BTAF1: variants seen among roughly 807,000 people sequenced by gnomAD.
The protein encoded by BTAF1 is B-TFIID TATA-box binding protein associated factor 1.
Under a neutral mutation model 227.1 loss-of-function variants are expected in BTAF1, and 38 were observed. That is an observed-to-expected ratio of 0.17 (90% CI 0.13 to 0.22). BTAF1 has a LOEUF of 0.22. Ranked by LOEUF, BTAF1 falls within the 10% of genes least tolerant of loss-of-function variation. The pLI is 1.00. For missense variants in BTAF1, 1,598 were observed against 2,204.0 expected, an observed-to-expected ratio of 0.73 and a Z score of 5.51; for synonymous variants, 742 against 751.9, an observed-to-expected ratio of 0.99 and a Z score of 0.21.
At chr10:91,947,307 C>A (rs1164790414) in intron 4 of BTAF1, among the ~76,000 whole-genome samples, 3 of 152,130 alleles carry the variant, frequency 2.0e-5, no homozygotes, top group African/African-American at 7.2e-5. Context: ...AATTCAAGCT[C>A]ATTTACCTCT....
In BTAF1 at chr10:91,966,655, A is replaced by G. The variant is rs749889132; in HGVS notation, c.1548A>G (p.Thr516=). Residue 516 remains threonine (T), a synonymous_variant, in exon 14 of 38, where the codon ACA becomes ACG. Coordinates refer to ENST00000265990, the MANE Select transcript of BTAF1 (RefSeq NM_003972.3). ...VQQCSIQQSL[T]VLVPRVWPFL... is the part of the protein sequence containing the mutation. ...TTATTAGTATTCAGCAGTCACTGAC[A>G]GTTTTAGTTCCACGTGTCTGGCCTT... The G allele has an allele frequency of 1.4e-5, 22 of 1,613,676 alleles. No individual in the cohort carries two copies. The highest frequency in any genetic ancestry group is 1.9e-5 in the Non-Finnish European group (22 of 1,179,850).
chr10:91,973,262 C>G (rs1296378263), intron 14 of BTAF1, among the ~76,000 whole-genome samples: 2 of 152,184 alleles, frequency 1.3e-5, no homozygotes, highest in Non-Finnish European at 2.9e-5. Context: ...TTGGCTCTAT[C>G]ATTTGCTAAT....
chr10:91,991,832 T>TATATATAC (rs1466556430), intron 20 of BTAF1, among the ~76,000 whole-genome samples: 16 of 11,272 alleles, frequency 1.4e-3, no homozygotes, highest in African/African-American at 2.1e-3. Flanking sequence ...TATATATATA[T>TATATATAC]ACACACATAT....
At chr10:91,932,043 C>T (rs558687678) in intron 1 of BTAF1, among the ~76,000 whole-genome samples, 9 of 152,192 alleles carry the variant, frequency 5.9e-5, no homozygotes, top group African/African-American at 2.2e-4. Flanking sequence ...CAGAGGTGAC[C>T]TGACATAGCA....
chr10:91,940,820 G>A (rs924531446), intron 3 of BTAF1, among the ~76,000 whole-genome samples: 5 of 151,994 alleles, frequency 3.3e-5, no homozygotes, highest in Non-Finnish European at 5.9e-5. Flanking sequence ...AAGTAGCTGC[G>A]ATTACAGTTG....
Position 92,009,041 on chromosome 10 carries a change from G to A in BTAF1, c.3936G>A (p.Arg1312=), listed in dbSNP as rs776698048. ...ICILAGDHCH[R]AQEYARSKLA... ...TTTATTGTGTTTTGCTATTGTAAAG[G>A]GCCCAGGAATATGCAAGATCAAAAT... The change falls in exon 28 of 38, where the codon AGG becomes AGA. Residue 1312 remains arginine, a splice_region_variant and synonymous_variant. Transcript: ENST00000265990. The A allele has an allele frequency of 6.2e-7, 1 of 1,613,746 alleles. No homozygotes were observed. Among genetic ancestry groups the A allele is most frequent in the African/African-American group, 1.3e-5 (1 of 74,908 alleles).
chr10:91,983,697 A>G (rs7911552), intron 18 of BTAF1, among the ~76,000 whole-genome samples: 53,621 of 151,982 alleles, frequency 0.35, 10,878 homozygotes, highest in African/African-American at 0.57. Flanking sequence ...CACTGAGGCC[A>G]TTTCCTGTTG....
At chr10:92,017,227 G>C (rs1202026875) in intron 33 of BTAF1, among the ~76,000 whole-genome samples, 2 of 152,184 alleles carry the variant, frequency 1.3e-5, no homozygotes, top group Non-Finnish European at 2.9e-5. Flanking sequence ...GCTAGGGACT[G>C]CCTCACTGAG....
At position 91,997,769 on chromosome 10, in the gene BTAF1, G is replaced by C. The variant is rs916260439; in HGVS notation, c.3660+18G>C. The C allele has an allele frequency of 1.9e-6, 3 of 1,609,498 alleles. No individual in the cohort carries two copies. The highest frequency in any genetic ancestry group is 2.2e-5 in the East Asian group (1 of 44,846). ...CACTTGAGGTAAGTCAAAGATACTT[G>C]CTTTAAAGACATAATGTTTTCTATA... On this transcript the variant is annotated intron_variant, in intron 25 of 37. Transcript: ENST00000265990.
chr10:91,949,559 A>G (rs1449361697), intron 4 of BTAF1, among the ~76,000 whole-genome samples: 1 of 152,058 alleles, frequency 6.6e-6, no homozygotes. Flanking sequence ...CTTTGGTGGA[A>G]CTCAAAATTT....
rs777198334 is a variant in BTAF1, at chr10:91,994,539, A to C, written c.3204A>C (p.Gly1068=). 3.0e-5 allele frequency: 48 copies of C among 1,607,444 alleles called. No homozygotes were observed. Among genetic ancestry groups the C allele is most frequent in the Non-Finnish European group, 4.0e-5 (47 of 1,176,236 alleles). The change falls in exon 23 of 38, where the codon GGA becomes GGC. Residue 1068 remains glycine, a synonymous_variant. Coordinates refer to ENST00000265990, the MANE Select transcript of BTAF1 (RefSeq NM_003972.3). ...ACAGACAATATATTTTAACAGATGGAAAATCCCTCCTGGATAAGGGAGATA... is the reference window on the plus strand; with the variant it reads ...ACAGACAATATATTTTAACAGATGGCAAATCCCTCCTGGATAAGGGAGATA... ...RNTIDINNFD[G]KSLLDKGDSP...
chr10:91,957,348 G>A (rs977617906), intron 8 of BTAF1, 55 bp downstream of exon 8: 2 of 1,435,708 alleles, frequency 1.4e-6, no homozygotes, highest in African/African-American at 1.4e-5. Context: ...CTAATGAAGG[G>A]AACAATGTCA....
rs76149266 is a variant in BTAF1, at chr10:91,968,404, T to C, written c.1650+1647T>C. Among the ~76,000 whole-genome samples the C allele has an allele frequency of 2.0e-4, 30 of 152,354 alleles. No individual in the cohort carries two copies. The East Asian group carries it at 4.8e-3, about 24-fold the overall frequency. ...TAGCCCATTTCTTTTTATCACGGAA[T>C]GATACTCCATTGTCTGTACCAGTTT... On this transcript the variant is annotated intron_variant, in intron 14 of 37. Coordinates refer to ENST00000265990, the MANE Select transcript of BTAF1 (RefSeq NM_003972.3).
intron 19 of BTAF1, among the ~76,000 whole-genome samples, chr10:91,986,202 A>T (rs1848383902): frequency 6.6e-6 from 1 of 152,142 alleles, no homozygotes; most frequent in South Asian, 2.1e-4. Flanking sequence ...TTATTTATTG[A>T]AAATACTTTC....
intron 25 of BTAF1, among the ~76,000 whole-genome samples, chr10:91,999,837 G>T (rs1849392814): frequency 6.6e-6 from 1 of 152,096 alleles, no homozygotes; most frequent in Non-Finnish European, 1.5e-5. Flanking sequence ...TTTAACATAG[G>T]ATTCCTTTTT....
chr10:92,017,367 A>T (rs1589981575), intron 33 of BTAF1, among the ~76,000 whole-genome samples: 1 of 152,306 alleles, frequency 6.6e-6, no homozygotes, highest in East Asian at 1.9e-4. Context: ...TGCTTGAGAG[A>T]ATAGCAAAAA....
chr10:91,968,097 G>T (rs888524079), intron 14 of BTAF1, among the ~76,000 whole-genome samples: 21 of 151,916 alleles, frequency 1.4e-4, no homozygotes, highest in Admixed American at 4.6e-4. Context: ...TGTACATTTT[G>T]TACATATTGT....
rs1004040660 is a variant in BTAF1, at chr10:92,030,047, A to G, written c.*1114A>G. ...ATAATTTTATAAGTTTCACGCATAA[A>G]TTAATACATGCCTGTGTGCATACAT... On this transcript the variant is annotated 3_prime_UTR_variant, in exon 38 of 38. Transcript: ENST00000265990. 2.0e-5 allele frequency: 3 copies of G among 152,550 alleles called. No individual in the cohort carries two copies. Among genetic ancestry groups the G allele is most frequent in the Admixed American group, 1.3e-4 (2 of 15,276 alleles). 9.4% of individuals were successfully genotyped at this position (152,550 alleles called of 1,614,324 possible). A position where few individuals can be genotyped will look rare whatever the true frequency, so the allele number is the denominator to read the frequency against.
At chr10:91,957,398 T>C (rs1846179136) in intron 8 of BTAF1, 105 bp downstream of exon 8, 1 of 883,694 alleles carries the variant, frequency 1.1e-6, no homozygotes, top group Non-Finnish European at 1.7e-6. Flanking sequence ...TCTTCTCTGT[T>C]TGTCTCAGGA....
Sources: allele counts gnomAD v4.1 joint callset (sites outside exome capture counted in the v4.1 genomes callset), GRCh38; gene constraint gnomAD v4.1.1; transcripts MANE v1.5; gene names NCBI Gene and HGNC (gene_info 2026-07-23, HGNC 2026-07-21).